The following ADAM12 variants were observed in gnomAD, a reference collection of about 807,000 sequenced individuals.
ADAM12 encodes ADAM metallopeptidase domain 12, also known as disintegrin and metalloproteinase domain-containing protein 12.
A neutral mutation model predicts 106.4 loss-of-function variants in ADAM12; 70 were observed. The observed-to-expected ratio is 0.66, with a 90% CI of 0.54 to 0.80. ADAM12 has a LOEUF of 0.80. Among genes scored for constraint, ADAM12 ranks in the 30% least tolerant of loss-of-function variants. The probability of loss-of-function intolerance (pLI) is 0.00; values close to 1 mark genes in which losing one functional copy is unlikely to be tolerated. For missense variants in ADAM12, 1,010 were observed against 1,171.9 expected (o/e 0.86, Z 2.02); for synonymous variants, 420 against 433.5 (o/e 0.97, Z 0.39).
intron 5 of ADAM12, among the ~76,000 whole-genome samples, chr10:126,123,821 C>T (rs1956154675): frequency 6.6e-6 from 1 of 152,128 alleles, no homozygotes; most frequent in African/African-American, 2.4e-5. Context: ...ATGAAAAGGA[C>T]TAGAATTAGA....
intron 3 of ADAM12, among the ~76,000 whole-genome samples, chr10:126,208,852 G>GTT (rs5788775): frequency 0.046 from 6,684 of 145,562 alleles, 151 homozygotes; most frequent in African/African-American, 0.055. Flanking sequence ...AAAAAAGAAA[G>GTT]TTTTTTTTTT....
chr10:126,261,197 C>CCCCATGGAGGATTT (rs1372073183), intron 3 of ADAM12, among the ~76,000 whole-genome samples: 1 of 152,072 alleles, frequency 6.6e-6, no homozygotes, highest in East Asian at 1.9e-4. Context: ...TGGAGCTAAT[C>CCCCATGGAGGATTT]TCCTTCAGAT....
Position 126,064,769 on chromosome 10 carries a change from T to G in ADAM12, c.1609+37A>C, listed in dbSNP as rs1954830082. The G allele has an allele frequency of 2.6e-6, 4 of 1,562,966 alleles. No individual in the cohort carries two copies. Among genetic ancestry groups the G allele is most frequent in the Non-Finnish European group, 3.5e-6 (4 of 1,155,408 alleles). The stretch of plus-strand genomic sequence containing the variant: ...CAGTCCCACAGCCCAGGTCTGCCAG[T>G]GCCTCTCCTGATGCCGAGCTTGTGG... On this transcript the variant is annotated intron_variant, in intron 14 of 22. Coordinates refer to ENST00000448723, the MANE Select transcript of ADAM12 (RefSeq NM_001288973.2). This position sits in a 1 kb window ranked among gnomAD's most constrained non-coding sequence, Gnocchi z 4.4.
At chr10:126,342,212 C>T (rs1379158776) in intron 1 of ADAM12, among the ~76,000 whole-genome samples, 4 of 152,192 alleles carry the variant, frequency 2.6e-5, no homozygotes, top group Non-Finnish European at 5.9e-5. Context: ...AGTTAGGGGA[C>T]ACCTGCCTAA....
intron 9 of ADAM12, among the ~76,000 whole-genome samples, chr10:126,100,498 T>C (rs1955642274): frequency 1.3e-5 from 2 of 150,614 alleles, no homozygotes; most frequent in Non-Finnish European, 3.0e-5. Context: ...GGTCAGGAGA[T>C]TGAGACCATC....
chr10:126,374,243 G>A (rs1856203462), intron 1 of ADAM12, among the ~76,000 whole-genome samples: 1 of 152,172 alleles, frequency 6.6e-6, no homozygotes, highest in African/African-American at 2.4e-5. Context: ...CTGCTCCACA[G>A]GAACTCTTCT....
chr10:126,076,959 A>G (rs1256148738), intron 11 of ADAM12, among the ~76,000 whole-genome samples: 1 of 152,230 alleles, frequency 6.6e-6, no homozygotes, highest in African/African-American at 2.4e-5. Flanking sequence ...GAAGAAGTCA[A>G]ACTTTCTCTC....
chr10:126,084,519 C>A (rs1955298178), intron 11 of ADAM12, among the ~76,000 whole-genome samples: 1 of 152,228 alleles, frequency 6.6e-6, no homozygotes, highest in African/African-American at 2.4e-5. Flanking sequence ...CCCTTTCTTC[C>A]TAGCCCAGTA....
At chr10:126,345,515 T>C (rs1855106634) in intron 1 of ADAM12, among the ~76,000 whole-genome samples, 1 of 152,214 alleles carries the variant, frequency 6.6e-6, no homozygotes, top group Admixed American at 6.5e-5. Flanking sequence ...CCGGCTTTGG[T>C]ATCAGGATGA....
At chr10:126,239,750 T>C (rs903807099) in intron 3 of ADAM12, among the ~76,000 whole-genome samples, 1 of 152,208 alleles carries the variant, frequency 6.6e-6, no homozygotes, top group African/African-American at 2.4e-5. Flanking sequence ...CAAAATCTTG[T>C]GAGGTTGAAA....
intron 6 of ADAM12, among the ~76,000 whole-genome samples, chr10:126,113,688 ATATATATATAT>A (rs1430858881): frequency 0.01 from 103 of 10,144 alleles, 2 homozygotes; most frequent in African/African-American, 0.023. Flanking sequence ...AAAAAAAAAA[ATATATATATAT>A]ATATATATAT....
intron 14 of ADAM12, among the ~76,000 whole-genome samples, chr10:126,054,203 C>G (rs1460766113): frequency 6.6e-6 from 1 of 152,226 alleles, no homozygotes; most frequent in Non-Finnish European, 1.5e-5. Flanking sequence ...ATAACCTCCA[C>G]AACTGAACCA....
intron 3 of ADAM12, among the ~76,000 whole-genome samples, chr10:126,185,395 C>G (rs777718129): frequency 3.3e-5 from 5 of 152,082 alleles, no homozygotes; most frequent in African/African-American, 1.2e-4. Flanking sequence ...CTTAGAGGGG[C>G]AAATGACAGC....
chr10:126,093,853 G>T, intron 11 of ADAM12, 132 bp downstream of exon 11: 2 of 1,393,208 alleles, frequency 1.4e-6, no homozygotes, highest in Non-Finnish European at 9.8e-7. Context: ...TGCTTCTTGG[G>T]AAGGAATTAC....
At position 126,309,145 on chromosome 10, in the gene ADAM12, T is replaced by C. The variant is rs138068904; in HGVS notation, c.186+21267A>G. Among the ~76,000 whole-genome samples, 208 of 152,322 alleles carry C rather than the reference T, an allele frequency of 1.4e-3. 5 individuals carry two copies. In the East Asian group the frequency reaches 0.031, roughly 23 times the overall value. ...GCCAATCACCGTATTCTACACCTTT[T>C]GACTACATTGATCGTTTCAAATGAG... On this transcript the variant is annotated intron_variant, in intron 2 of 22. Transcript: ENST00000448723.
chr10:126,091,781 T>G (rs1955469438), intron 11 of ADAM12, among the ~76,000 whole-genome samples: 1 of 152,202 alleles, frequency 6.6e-6, no homozygotes, highest in Non-Finnish European at 1.5e-5. Context: ...AAATATGCCT[T>G]GCTATTGTGC....
intron 2 of ADAM12, among the ~76,000 whole-genome samples, chr10:126,329,082 C>T (rs1854411594): frequency 6.6e-6 from 1 of 150,604 alleles, no homozygotes; most frequent in African/African-American, 2.4e-5. Flanking sequence ...AGAAACAAGA[C>T]AGGACACATT....
At chr10:126,387,677 G>A (rs1378074700) in intron 1 of ADAM12, among the ~76,000 whole-genome samples, 1 of 152,108 alleles carries the variant, frequency 6.6e-6, no homozygotes, top group Non-Finnish European at 1.5e-5. Flanking sequence ...AGCCTGGGGT[G>A]GGGATATTCA....
At chr10:126,164,985 T>C (rs1417628732) in intron 3 of ADAM12, among the ~76,000 whole-genome samples, 1 of 152,218 alleles carries the variant, frequency 6.6e-6, no homozygotes, top group Admixed American at 6.5e-5. Context: ...TTTGCAAATA[T>C]TTATGCTTCT....
Sources: allele counts gnomAD v4.1 joint callset (sites outside exome capture counted in the v4.1 genomes callset), GRCh38; gene constraint gnomAD v4.1.1; non-coding constraint Gnocchi (gnomAD v3.1); transcripts MANE v1.5; gene names NCBI Gene and HGNC (gene_info 2026-07-23, HGNC 2026-07-21).